The following CENPV variants were observed in gnomAD, a reference collection of about 807,000 sequenced individuals.
CENPV encodes nuclear protein p30.
A neutral mutation model predicts 26.4 loss-of-function variants in CENPV; 15 were observed. The observed-to-expected ratio is 0.57, with a 90% CI of 0.38 to 0.88. CENPV has a LOEUF of 0.88. CENPV is among the 40% of genes least tolerant of loss of function. CENPV has a pLI of 0.00. For synonymous variants in CENPV, 172 were observed against 165.5 expected (o/e 1.04, Z -0.30); for missense variants, 336 against 376.5 (o/e 0.89, Z 0.89).
At chr17:16,343,428 G>C (rs2093191150) in intron 4 of CENPV, among the ~76,000 whole-genome samples, 1 of 152,086 alleles carries the variant, frequency 6.6e-6, no homozygotes, top group South Asian at 2.1e-4. Context: ...TGCCTTACGG[G>C]TTCAAGTGAT....
intron 3 of CENPV, 51 bp from the exon 4 acceptor site, chr17:16,344,762 T>A (rs760683581): frequency 2.3e-5 from 22 of 965,450 alleles, no homozygotes; most frequent in Middle Eastern, 5.9e-4. Flanking sequence ...GATTTATTTA[T>A]TTAATTTATT....
chr17:16,343,855 CACA>C lies in CENPV; in HGVS notation c.694+739_694+741del, dbSNP rs1231889402. Among the ~76,000 whole-genome samples, 11 of 151,516 alleles carry C rather than the reference CACA, an allele frequency of 7.3e-5. No homozygotes were observed. In the South Asian group the frequency reaches 8.4e-4, roughly 12 times the overall value. ...CTCGCAGCTCTGGAGGCTGCACTGA[CACA>C]ACAAGAGTCCTCAGAACATCTTCCA... On this transcript the variant is annotated intron_variant, in intron 4 of 4. Coordinates refer to ENST00000299736, the MANE Select transcript of CENPV (RefSeq NM_181716.3).
rs1433929200 is a variant in CENPV at position 16,353,437 on chromosome 17, G to A, written c.-1C>T. The A allele has an allele frequency of 1.8e-6, 2 of 1,142,072 alleles. No individual in the cohort carries two copies. Among genetic ancestry groups the A allele is most frequent in the African/African-American group, 1.6e-5 (1 of 60,910 alleles). The allele number at this position is 1,142,072 out of a possible 1,614,324, so 70.7% of individuals were successfully genotyped here. ...CCGCAGAGCTCCTCGATCGCCGCATGGCTCCCGCAGCCTGGCGCGCAGGCC... is the reference window on the plus strand; with the variant it reads ...CCGCAGAGCTCCTCGATCGCCGCATAGCTCCCGCAGCCTGGCGCGCAGGCC... On this transcript the variant is annotated 5_prime_UTR_variant, in exon 1 of 5. Transcript: ENST00000299736.
intron 3 of CENPV, among the ~76,000 whole-genome samples, chr17:16,346,861 G>GT (rs965000061): frequency 2.7e-5 from 4 of 145,892 alleles, no homozygotes; most frequent in African/African-American, 1.0e-4. Flanking sequence ...GTTTTGTTTT[G>GT]TTTTTTTGAG....
chr17:16,343,884 C>T (rs758628408), intron 4 of CENPV, among the ~76,000 whole-genome samples: 13 of 152,064 alleles, frequency 8.5e-5, no homozygotes, highest in Admixed American at 1.3e-4. Context: ...ACATCTTCCA[C>T]CTCTGCTTTC....
intron 1 of CENPV, chr17:16,350,629 T>A (rs2093224869): frequency 6.6e-6 from 1 of 151,688 alleles, no homozygotes; most frequent in Non-Finnish European, 1.5e-5. Context: ...CGTGAGCCAC[T>A]GCTCCGGGCC....
At chr17:16,349,699 C>A in intron 2 of CENPV, 1 of 1,281,072 alleles carries the variant, frequency 7.8e-7, no homozygotes, top group South Asian at 2.1e-5. Flanking sequence ...GCCACAAGCC[C>A]TGAGGACCCT....
intron 4 of CENPV, among the ~76,000 whole-genome samples, chr17:16,343,477 C>T (rs1383557871): frequency 1.3e-5 from 2 of 152,138 alleles, no homozygotes; most frequent in African/African-American, 2.4e-5. Context: ...GGAATACAGG[C>T]GTGCGCCACC....
intron 1 of CENPV, 60 bp from the exon 2 acceptor site, chr17:16,350,089 T>G: frequency 6.3e-7 from 1 of 1,574,864 alleles, no homozygotes; most frequent in Non-Finnish European, 8.6e-7. Flanking sequence ...CTGCTCTCTT[T>G]TTGTTGCTGA....
Position 16,353,272 on chromosome 17 carries a change from C to A in CENPV, c.165G>T (p.Lys55Asn). 1 of 1,421,018 alleles carries A rather than the reference C, an allele frequency of 7.0e-7. No homozygotes were observed. The highest frequency in any genetic ancestry group is 1.4e-5 in the South Asian group (1 of 70,060). 88.0% of individuals were successfully genotyped at this position (1,421,018 alleles called of 1,614,324 possible). Residue 55 changes from lysine (K) to asparagine (N), a missense_variant, in exon 1 of 5, where the codon AAG (lysine) becomes AAT (asparagine). By Grantham distance (94) the Lys-to-Asn change is moderately conservative. This residue lies in a region of CENPV where 181 missense variants were observed against 148.8 expected (regional missense o/e 1.22). Coordinates refer to ENST00000299736, the MANE Select transcript of CENPV (RefSeq NM_181716.3). ...QAGSKSQAVE[K>N]PPSEKPRLRR... ...TCAGCCGCGGCTTCTCCGACGGCGG[C>A]TTCTCCACCGCCTGGCTCTTGCTCC... is the stretch of plus-strand genomic sequence containing the variant.
chr17:16,350,045 A>C lies in CENPV; in HGVS notation c.411-16T>G. ...CTGGTATTCACTAAATGAAACAAAA[A>C]TCAGAAAGATAATAATTTCTGAATA... On this transcript the variant is annotated splice_polypyrimidine_tract_variant and intron_variant, in intron 1 of 4. Transcript: ENST00000299736. The C allele has an allele frequency of 6.2e-7, 1 of 1,607,688 alleles. No homozygotes were observed. The highest frequency in any genetic ancestry group is 8.5e-7 in the Non-Finnish European group (1 of 1,178,408).
chr17:16,346,195 A>G (rs1387502562), intron 3 of CENPV, among the ~76,000 whole-genome samples: 2 of 152,232 alleles, frequency 1.3e-5, no homozygotes, highest in African/African-American at 2.4e-5. Context: ...CCAAAATTTT[A>G]AAGTGTACAT....
intron 3 of CENPV, among the ~76,000 whole-genome samples, chr17:16,346,801 CT>C (rs551388416): frequency 1.4e-3 from 196 of 139,432 alleles, no homozygotes; most frequent in Admixed American, 1.9e-3. Context: ...GCTACCATTT[CT>C]TTTTTTTTTT....
chr17:16,348,625 C>T lies in CENPV; in HGVS notation c.570G>A (p.Lys190=). ...GCTCTTAAGCACTGACCTTCAGGAG[C>T]TTGAAGCGAGAAGCTGGAACAATGA... The part of the protein sequence containing the change: ...RHFIVPASRF[K]LLKGAEHITT... The change falls in exon 3 of 5, where the codon AAG becomes AAA. Residue 190 remains lysine (K), a synonymous_variant. Transcript: ENST00000299736. 1 of 1,614,078 alleles carries T rather than the reference C, an allele frequency of 6.2e-7. No individual in the cohort carries two copies. The highest frequency in any genetic ancestry group is 8.5e-7 in the Non-Finnish European group (1 of 1,179,936).
At chr17:16,343,194 CCT>C (rs1205034994) in intron 4 of CENPV, among the ~76,000 whole-genome samples, 10 of 152,206 alleles carry the variant, frequency 6.6e-5, no homozygotes, top group African/African-American at 2.4e-4. Context: ...AATCACACTC[CCT>C]GAGCCAGGTT....
chr17:16,345,069 C>G (rs1415960661), intron 3 of CENPV, among the ~76,000 whole-genome samples: 1 of 151,932 alleles, frequency 6.6e-6, no homozygotes, highest in African/African-American at 2.4e-5. Flanking sequence ...CTGCGCCTGG[C>G]CCCAAAGACA....
At chr17:16,350,778 A>T (rs1210314604) in intron 1 of CENPV, 1 of 152,328 alleles carries the variant, frequency 6.6e-6, no homozygotes, top group South Asian at 2.1e-4. Flanking sequence ...AAGGAGGTAC[A>T]GGCTGCTATG....
At chr17:16,348,853 C>T in intron 2 of CENPV, 168 bp from the exon 3 acceptor site, 1 of 1,328,752 alleles carries the variant, frequency 7.5e-7, no homozygotes. Context: ...CTCTGGTTTG[C>T]AGGTACAGCA....
intron 2 of CENPV, chr17:16,348,940 T>C: frequency 8.1e-7 from 1 of 1,237,278 alleles, no homozygotes. Flanking sequence ...AGGTCTGTAC[T>C]GCCCACCCCT....
Sources: allele counts gnomAD v4.1 joint callset (sites outside exome capture counted in the v4.1 genomes callset), GRCh38; gene constraint gnomAD v4.1.1; regional missense constraint gnomAD v4.1.1; transcripts MANE v1.5; gene names NCBI Gene and HGNC (gene_info 2026-07-23, HGNC 2026-07-21).